The following PCGF2 variants were observed in gnomAD, a reference collection of about 807,000 sequenced individuals.
PCGF2 encodes the protein polycomb group RING finger protein 2.
A neutral mutation model predicts 36.1 loss-of-function variants in PCGF2; 8 were observed. That is an observed-to-expected ratio of 0.22 (90% CI 0.13 to 0.40). The LOEUF (loss-of-function observed/expected upper bound fraction) is 0.40, where lower values mean the gene tolerates loss of function less well. PCGF2 is among the 10% of genes least tolerant of loss of function. PCGF2 has a pLI of 1.00. For missense variants in PCGF2, 436 were observed against 475.9 expected, an observed-to-expected ratio of 0.92 and a Z score of 0.78; for synonymous variants, 198 against 191.2, an observed-to-expected ratio of 1.04 and a Z score of -0.29.
chr17:38,746,248 A>G (rs1907526899), intron 2 of PCGF2, among the ~76,000 whole-genome samples: 1 of 151,828 alleles, frequency 6.6e-6, no homozygotes, highest in Admixed American at 6.6e-5. Flanking sequence ...CACATACAGC[A>G]AGACACACCC....
upstream of PCGF2, among the ~76,000 whole-genome samples, chr17:38,748,788 G>T (rs1308252642): frequency 6.6e-6 from 1 of 152,202 alleles, no homozygotes; most frequent in African/African-American, 2.4e-5. Flanking sequence ...GCGGGGCTCC[G>T]GCGGGGGACG....
intron 2 of PCGF2, among the ~76,000 whole-genome samples, chr17:38,747,371 A>T (rs1420119587): frequency 6.6e-6 from 1 of 152,150 alleles, no homozygotes; most frequent in Admixed American, 6.5e-5. Context: ...TCCGCTGGCG[A>T]TGGGAAATAT....
intron 2 of PCGF2, among the ~76,000 whole-genome samples, chr17:38,740,653 G>A (rs1985351): frequency 0.49 from 74,601 of 151,846 alleles, 18,928 homozygotes; most frequent in African/African-American, 0.62. Flanking sequence ...CAGCTGCTTG[G>A]GAGGCTGAGG....
chr17:38,743,337 C>T (rs1263264352), intron 2 of PCGF2, among the ~76,000 whole-genome samples: 2 of 151,634 alleles, frequency 1.3e-5, no homozygotes, highest in Admixed American at 6.6e-5. Context: ...GTGATCTGCC[C>T]GCCTCCACCT....
intron 2 of PCGF2, among the ~76,000 whole-genome samples, chr17:38,743,451 C>T (rs1907333977): frequency 6.6e-6 from 1 of 152,014 alleles, no homozygotes; most frequent in South Asian, 2.1e-4. Flanking sequence ...TGGCTGTACC[C>T]CTCACCCAGT....
At chr17:38,748,582 T>G (rs1409443671), upstream of PCGF2, among the ~76,000 whole-genome samples, 1 of 151,988 alleles carries the variant, frequency 6.6e-6, no homozygotes, top group East Asian at 1.9e-4. Context: ...TCCCTTCCCA[T>G]GCGGCCGCCC....
Position 38,740,433 on chromosome 17 carries a change from G to A in PCGF2, c.-31C>T. 9 of 852,286 alleles carry A rather than the reference G, an allele frequency of 1.1e-5. No homozygotes were observed. The highest frequency in any genetic ancestry group is 1.8e-5 in the African/African-American group (1 of 56,282). 52.8% of individuals were successfully genotyped at this position (852,286 alleles called of 1,614,324 possible). A position where few individuals can be genotyped will look rare whatever the true frequency, so the allele number is the denominator to read the frequency against. ...CGGGGTCGGGGGTGGGGGGACTGGG[G>A]AGCGTTGCCCTGGGAAACGGAAGTG... On this transcript the variant is annotated 5_prime_UTR_variant, in exon 3 of 11. Transcript: ENST00000620225.
chr17:38,740,208 G>A (rs897065312), intron 3 of PCGF2, 83 bp downstream of exon 3: 18 of 1,259,222 alleles, frequency 1.4e-5, no homozygotes, highest in South Asian at 2.5e-5. Context: ...AAGGGTTTGC[G>A]TGCTACCTTC....
intron 2 of PCGF2, among the ~76,000 whole-genome samples, chr17:38,744,939 G>T (rs1437867320): frequency 6.6e-6 from 1 of 152,204 alleles, no homozygotes; most frequent in African/African-American, 2.4e-5. Flanking sequence ...GTTCAGCTGG[G>T]CGTGGTGGCT....
At position 38,734,954 on chromosome 17, in the gene PCGF2, C is replaced by A. The variant is rs1455863998; in HGVS notation, c.*269G>T. 1.3e-5 allele frequency: 4 copies of A among 298,836 alleles called. No individual in the cohort carries two copies. Among genetic ancestry groups the A allele is most frequent in the East Asian group, 5.4e-5 (1 of 18,376 alleles). 18.5% of individuals were successfully genotyped at this position (298,836 alleles called of 1,614,324 possible). Reference sequence around the variant, plus strand: ...ACAGCAAATTACACAAGACCCCCCCCAAAAAAAATGAACACCATTTTCCAC... The same window carrying A: ...ACAGCAAATTACACAAGACCCCCCCAAAAAAAAATGAACACCATTTTCCAC... On this transcript the variant is annotated 3_prime_UTR_variant, in exon 11 of 11. Transcript: ENST00000620225.
At position 38,735,387 on chromosome 17, in the gene PCGF2, C is replaced by A; in HGVS notation, c.871G>T (p.Gly291Trp). 6.4e-7 allele frequency: 1 copy of A among 1,567,920 alleles called. No individual in the cohort carries two copies. The highest frequency in any genetic ancestry group is 1.2e-5 in the South Asian group (1 of 85,586). Residue 291 changes from glycine (G) to tryptophan (W), a missense_variant, in exon 11 of 11, where the codon GGG (glycine) becomes TGG (tryptophan). This residue lies in a region of PCGF2 where 227 missense variants were observed against 212.9 expected (regional missense o/e 1.07). Coordinates refer to ENST00000620225, the MANE Select transcript of PCGF2 (RefSeq NM_007144.3). ...GAGGTAGGGTGGGTGGCTGGAGGCC[C>A]ATGGGAACTGGGAGAGCCATGGGAT... ...TPSHGSPSSHGPPATHPTSPT... is the reference protein window; with the variant it reads ...TPSHGSPSSHWPPATHPTSPT...
chr17:38,742,585 G>A (rs1459981009), intron 2 of PCGF2, among the ~76,000 whole-genome samples: 4 of 152,150 alleles, frequency 2.6e-5, no homozygotes, highest in African/African-American at 9.7e-5. Context: ...GAAGGGAGAG[G>A]GGTTCCCACC....
In PCGF2 at chr17:38,738,345, G is replaced by T; in HGVS notation, c.576+8C>A. The stretch of plus-strand genomic sequence containing the variant: ...GACACTCATTTTTTGAAAGGCCCAG[G>T]GACCCACCTTGTACTTGCTGGGCAC... On this transcript the variant is annotated splice_region_variant and intron_variant, in intron 9 of 10. Coordinates refer to ENST00000620225, the MANE Select transcript of PCGF2 (RefSeq NM_007144.3). 2 of 1,611,190 alleles carry T rather than the reference G, an allele frequency of 1.2e-6. No homozygotes were observed. The highest frequency in any genetic ancestry group is 1.7e-6 in the Non-Finnish European group (2 of 1,177,342).
upstream of PCGF2, chr17:38,749,703 G>A (rs1253757615): frequency 1.5e-5 from 7 of 455,856 alleles, no homozygotes; most frequent in Admixed American, 1.2e-4. The surrounding 1 kb of genome is among the most constrained non-coding windows in gnomAD (Gnocchi z 6.5). Flanking sequence ...GTTGCTCGCA[G>A]CCAAGGCAGC....
chr17:38,738,371 A>C lies in PCGF2; in HGVS notation c.558T>G (p.Asp186Glu), dbSNP rs145409234. The C allele has an allele frequency of 4.3e-6, 7 of 1,614,174 alleles. No homozygotes were observed. In the African/African-American group the frequency reaches 8.0e-5, roughly 18 times the overall value. ...GACCCACCTTGTACTTGCTGGGCAC[A>C]TCCATCTTGTTGCGGAGAAACTTGG... Reference protein sequence around the residue: ...HLAKFLRNKMDVPSKYKVEVL... With the variant: ...HLAKFLRNKMEVPSKYKVEVL... The change falls in exon 9 of 11, where the codon GAT (aspartate) becomes GAG (glutamate). Residue 186 changes from aspartate to glutamate, a missense_variant. Physicochemically the swap from Asp to Glu is conservative, Grantham distance 45. This residue lies in a region of PCGF2 where 20 missense variants were observed against 43.7 expected (regional missense o/e 0.46). Coordinates refer to ENST00000620225, the MANE Select transcript of PCGF2 (RefSeq NM_007144.3).
chr17:38,744,964 C>T (rs968417647), intron 2 of PCGF2, among the ~76,000 whole-genome samples: 5 of 152,144 alleles, frequency 3.3e-5, no homozygotes, highest in African/African-American at 1.2e-4. Flanking sequence ...CCTGTAATCC[C>T]AACACTTTGG....
chr17:38,740,893 T>A (rs540971248), intron 2 of PCGF2, among the ~76,000 whole-genome samples: 60 of 152,214 alleles, frequency 3.9e-4, no homozygotes, highest in African/African-American at 1.2e-3. Context: ...GGGGTGTACA[T>A]GTGGCTGGTT....
chr17:38,746,312 C>T (rs1043835680), intron 2 of PCGF2, among the ~76,000 whole-genome samples: 1 of 151,450 alleles, frequency 6.6e-6, no homozygotes, highest in Non-Finnish European at 1.5e-5. Context: ...CGCCACAACC[C>T]TCCCCCACCC....
intron 2 of PCGF2, among the ~76,000 whole-genome samples, chr17:38,744,848 C>G (rs895214174): frequency 6.6e-6 from 1 of 152,194 alleles, no homozygotes; most frequent in Non-Finnish European, 1.5e-5. Flanking sequence ...TAGAATGTCT[C>G]CAGGTCTTGG....
Sources: allele counts gnomAD v4.1 joint callset (sites outside exome capture counted in the v4.1 genomes callset), GRCh38; gene constraint gnomAD v4.1.1; regional missense constraint gnomAD v4.1.1; non-coding constraint Gnocchi (gnomAD v3.1); transcripts MANE v1.5; gene names NCBI Gene and HGNC (gene_info 2026-07-23, HGNC 2026-07-21).